The following PLIN5 variants were observed in gnomAD, a reference collection of about 807,000 sequenced individuals.
PLIN5 encodes the protein perilipin 5.
Under a neutral mutation model 32.8 loss-of-function variants are expected in PLIN5, and 34 were observed. That is an observed-to-expected ratio of 1.04 (90% CI 0.79 to 1.38). PLIN5 has a LOEUF of 1.38. Among genes scored for constraint, PLIN5 ranks in the 40% most tolerant of loss-of-function variants. PLIN5 has a pLI of 0.00. For synonymous variants in PLIN5, 309 were observed against 292.9 expected, an observed-to-expected ratio of 1.05 and a Z score of -0.56; for missense variants, 712 against 660.5, an observed-to-expected ratio of 1.08 and a Z score of -0.85.
intron 7 of PLIN5, 152 bp downstream of exon 7, chr19:4,524,811 A>T (rs1447600211): frequency 8.5e-6 from 4 of 471,330 alleles, no homozygotes; most frequent in African/African-American, 4.2e-5. Context: ...TTCCCCCCCC[A>T]GACACCTCAA....
intron 1 of PLIN5, among the ~76,000 whole-genome samples, chr19:4,534,895 G>A (rs1976927841): frequency 6.6e-6 from 1 of 152,190 alleles, no homozygotes; most frequent in Non-Finnish European, 1.5e-5. Flanking sequence ...CCAAGGTCAC[G>A]CAGCCAGCTA....
intron 5 of PLIN5, among the ~76,000 whole-genome samples, chr19:4,527,369 G>A (rs933611388): frequency 6.6e-6 from 1 of 151,262 alleles, no homozygotes; most frequent in Non-Finnish European, 1.5e-5. Context: ...ACCGCGCCCG[G>A]CCTAAAAAAA....
rs566494080 is a variant in PLIN5 at position 4,528,972 on chromosome 19, G to A, written c.520+101C>T. The A allele has an allele frequency of 2.4e-6, 3 of 1,270,840 alleles. No individual in the cohort carries two copies. In the East Asian group the frequency reaches 7.6e-5, roughly 32 times the overall value. The allele number at this position is 1,270,840 out of a possible 1,614,324, so 78.7% of individuals were successfully genotyped here. On this transcript the variant is annotated intron_variant, in intron 5 of 7. Transcript: ENST00000381848. The stretch of plus-strand genomic sequence containing the variant: ...TGAGTTGTATGTTTCCTGCTGATCT[G>A]CTGTGTGACCTTGGGTGAGTCTCAG...
Position 4,522,841 on chromosome 19 carries a change from C to G in PLIN5, c.*687G>C, listed in dbSNP as rs896128301. ...GTGATAACAGGTGTCAACCACCACA[C>G]CCAGTCAGGGCTCACTTTTCAAAGC... On this transcript the variant is annotated 3_prime_UTR_variant, in exon 8 of 8. Coordinates refer to ENST00000381848, the MANE Select transcript of PLIN5 (RefSeq NM_001013706.3). 1.3e-5 allele frequency: 2 copies of G among 152,180 alleles called. No homozygotes were observed. The highest frequency in any genetic ancestry group is 4.8e-5 in the African/African-American group (2 of 41,350). 9.4% of individuals were successfully genotyped at this position (152,180 alleles called of 1,614,324 possible). A position where few individuals can be genotyped will look rare whatever the true frequency, so the allele number is the denominator to read the frequency against.
intron 2 of PLIN5, chr19:4,533,333 T>C (rs1976909523): frequency 6.6e-6 from 1 of 152,390 alleles, no homozygotes; most frequent in Admixed American, 6.6e-5. Flanking sequence ...TGACCTCAGT[T>C]GATCTGCCCG....
At chr19:4,527,017 A>C (rs1474753359) in intron 5 of PLIN5, among the ~76,000 whole-genome samples, 3 of 152,068 alleles carry the variant, frequency 2.0e-5, no homozygotes, top group Non-Finnish European at 4.4e-5. Context: ...CAGGGGGATC[A>C]CTTGAGCCCA....
At position 4,531,826 on chromosome 19, in the gene PLIN5, C is replaced by A. The variant is rs980291688; in HGVS notation, c.61-4G>T. 2.6e-6 allele frequency: 4 copies of A among 1,532,876 alleles called. No homozygotes were observed. Among genetic ancestry groups the A allele is most frequent in the South Asian group, 1.2e-5 (1 of 80,402 alleles). 95.0% of individuals were successfully genotyped at this position (1,532,876 alleles called of 1,614,324 possible). A position where few individuals can be genotyped will look rare whatever the true frequency, so the allele number is the denominator to read the frequency against. On this transcript the variant is annotated splice_region_variant and splice_polypyrimidine_tract_variant and intron_variant, in intron 2 of 7. Coordinates refer to ENST00000381848, the MANE Select transcript of PLIN5 (RefSeq NM_001013706.3). ...CCACCACACGCTGCACCACGTTCTG[C>A]GGGAAGGGTCGGCATCAGGGGGACC...
rs1425017667 is a variant in PLIN5, at chr19:4,525,019, G to A, written c.778C>T (p.His260Tyr). The A allele has an allele frequency of 9.3e-6, 14 of 1,502,914 alleles. No individual in the cohort carries two copies. The highest frequency in any genetic ancestry group is 2.3e-5 in the Admixed American group (1 of 43,530). 93.1% of individuals were successfully genotyped at this position (1,502,914 alleles called of 1,614,324 possible). A position where few individuals can be genotyped will look rare whatever the true frequency, so the allele number is the denominator to read the frequency against. ...PTAPACPGKV[H>Y]ELWGEWGQRP... The stretch of plus-strand genomic sequence containing the variant: ...TGGCCCCATTCCCCCCACAGCTCGT[G>A]CACCTTCCCAGGGCAGGCCGGGGCG... The change falls in exon 7 of 8, where the codon CAC becomes TAC. Residue 260 changes from histidine to tyrosine, a missense_variant. Physicochemically the swap from His to Tyr is moderately conservative, Grantham distance 83 (BLOSUM62 2). Transcript: ENST00000381848. This position sits in a 1 kb window ranked among gnomAD's most constrained non-coding sequence, Gnocchi z 5.6.
At chr19:4,531,951 C>T (rs1976891898) in intron 2 of PLIN5, 129 bp from the exon 3 acceptor site, 1 of 904,352 alleles carries the variant, frequency 1.1e-6, no homozygotes, top group Non-Finnish European at 1.6e-6. Flanking sequence ...GAGCACCCCG[C>T]CACGTAGAGG....
chr19:4,524,685 C>T (rs1173242847), intron 7 of PLIN5, among the ~76,000 whole-genome samples: 2 of 151,416 alleles, frequency 1.3e-5, no homozygotes, highest in East Asian at 1.9e-4. Flanking sequence ...GGCCAACACC[C>T]CCCTTTCCCC....
In PLIN5 at chr19:4,525,867, G is replaced by A; in HGVS notation, c.521-35C>T. ...AGGATACGGGGACAGCACGGGGACA[G>A]GATACGGGGACAGCACGGGGACAGG... is the stretch of plus-strand genomic sequence containing the variant. On this transcript the variant is annotated intron_variant, in intron 5 of 7. Transcript: ENST00000381848. The surrounding 1 kb of genome is among the most constrained non-coding windows in gnomAD (Gnocchi z 5.6). 1 of 1,450,200 alleles carries A rather than the reference G, an allele frequency of 6.9e-7. No homozygotes were observed. Among genetic ancestry groups the A allele is most frequent in the Non-Finnish European group, 9.2e-7 (1 of 1,084,964 alleles). The allele number at this position is 1,450,200 out of a possible 1,614,324, so 89.8% of individuals were successfully genotyped here.
chr19:4,525,904 G>GGA lies in PLIN5; in HGVS notation c.521-73_521-72insTC, dbSNP rs1475397530. The GGA allele has an allele frequency of 2.7e-5, 14 of 527,350 alleles. 1 individual carries two copies. The highest frequency in any genetic ancestry group is 2.2e-4 in the African/African-American group (8 of 35,782). 32.7% of individuals were successfully genotyped at this position (527,350 alleles called of 1,614,324 possible). A position where few individuals can be genotyped will look rare whatever the true frequency, so the allele number is the denominator to read the frequency against. The stretch of plus-strand genomic sequence containing the variant: ...AGCACGGGGACAGGATACGGGGACA[G>GGA]CACGGGGACAGGATACGGGGACAGC... On this transcript the variant is annotated intron_variant, in intron 5 of 7. Transcript: ENST00000381848. This position sits in a 1 kb window ranked among gnomAD's most constrained non-coding sequence, Gnocchi z 5.6.
intron 3 of PLIN5, among the ~76,000 whole-genome samples, chr19:4,530,948 G>T (rs920480605): frequency 1.3e-5 from 2 of 151,766 alleles, no homozygotes; most frequent in Non-Finnish European, 2.9e-5. Flanking sequence ...AAAATACTGG[G>T]ATTACAGGCA....
Position 4,525,356 on chromosome 19 carries a change from G to A in PLIN5, c.720+277C>T, listed in dbSNP as rs1289457530. 1.3e-5 allele frequency among the ~76,000 whole-genome samples: 2 copies of A among 152,096 alleles called. No individual in the cohort carries two copies. The highest frequency in any genetic ancestry group is 6.5e-5 in the Admixed American group (1 of 15,276). On this transcript the variant is annotated intron_variant, in intron 6 of 7. Coordinates refer to ENST00000381848, the MANE Select transcript of PLIN5 (RefSeq NM_001013706.3). This position sits in a 1 kb window ranked among gnomAD's most constrained non-coding sequence, Gnocchi z 5.6. Reference sequence around the variant, plus strand: ...CTGAGGATGGGAGGATTCTGATGAGGAGGAAGGCTCTCTTCTGACCTACCC... The same window carrying A: ...CTGAGGATGGGAGGATTCTGATGAGAAGGAAGGCTCTCTTCTGACCTACCC...
chr19:4,523,579 C>T lies in PLIN5; in HGVS notation c.1341G>A (p.Glu447=). The stretch of plus-strand genomic sequence containing the variant: ...TGTGCTTGACCGGGCAGCTGGGGGT[C>T]TCGGGTTCCTGCTCGCAGATGTCCC... ...VAGDICEQEP[E]TPSCPVKHTL... The change falls in exon 8 of 8, where the codon GAG becomes GAA. Residue 447 remains glutamate (E), a synonymous_variant. Transcript: ENST00000381848. This position sits in a 1 kb window ranked among gnomAD's most constrained non-coding sequence, Gnocchi z 5.0. 1 of 1,600,688 alleles carries T rather than the reference C, an allele frequency of 6.2e-7. No homozygotes were observed. Among genetic ancestry groups the T allele is most frequent in the Non-Finnish European group, 8.5e-7 (1 of 1,173,180 alleles).
intron 1 of PLIN5, chr19:4,534,321 A>G: frequency 1.8e-6 from 1 of 570,476 alleles, no homozygotes; most frequent in Non-Finnish European, 3.1e-6. Context: ...GACTCGAAGC[A>G]TGGTCTCTGA....
chr19:4,529,302 A>T, intron 4 of PLIN5, 49 bp from the exon 5 acceptor site: 1 of 1,530,536 alleles, frequency 6.5e-7, no homozygotes, highest in Non-Finnish European at 8.8e-7. Flanking sequence ...CTCCAGCTCC[A>T]TTTCTGCCAC....
chr19:4,527,110 C>G (rs1976813431), intron 5 of PLIN5, among the ~76,000 whole-genome samples: 1 of 151,464 alleles, frequency 6.6e-6, no homozygotes, highest in African/African-American at 2.4e-5. Context: ...GAGTCTCGCT[C>G]TGTTGCCCAG....
At chr19:4,533,486 G>C (rs1024426918) in intron 2 of PLIN5, 3 of 168,918 alleles carry the variant, frequency 1.8e-5, no homozygotes, top group African/African-American at 7.1e-5. Flanking sequence ...GGGGTTCAGA[G>C]CACTGCCCCT....
Sources: allele counts gnomAD v4.1 joint callset (sites outside exome capture counted in the v4.1 genomes callset), GRCh38; gene constraint gnomAD v4.1.1; non-coding constraint Gnocchi (gnomAD v3.1); transcripts MANE v1.5; gene names NCBI Gene and HGNC (gene_info 2026-07-23, HGNC 2026-07-21).